The following SLC38A10 variants were observed in gnomAD, a reference collection of about 807,000 sequenced individuals.
SLC38A10 encodes the protein Sodium-coupled neutral amino acid transporter 10.
A neutral mutation model predicts 81.0 loss-of-function variants in SLC38A10; 53 were observed. That is an observed-to-expected ratio of 0.65 (90% CI 0.53 to 0.82). SLC38A10 has a LOEUF of 0.82. SLC38A10 is among the 40% of genes least tolerant of loss of function. The pLI, the probability that SLC38A10 is intolerant of heterozygous loss-of-function variation, is 0.00. For missense variants in SLC38A10, 1,471 were observed against 1,545.0 expected, an observed-to-expected ratio of 0.95 and a Z score of 0.80; for synonymous variants, 665 against 655.3, an observed-to-expected ratio of 1.01 and a Z score of -0.23.
intron 14 of SLC38A10, among the ~76,000 whole-genome samples, chr17:81,247,917 G>A (rs1377087557): frequency 1.3e-4 from 20 of 149,972 alleles, no homozygotes; most frequent in Admixed American, 4.6e-4. Flanking sequence ...AGTTTCCTCC[G>A]AGATGAGAAT....
Position 81,246,761 on chromosome 17 carries a change from T to G in SLC38A10, c.2243-88A>C, listed in dbSNP as rs115612162. 3 of 1,500,138 alleles carry G rather than the reference T, an allele frequency of 2.0e-6. No individual in the cohort carries two copies. In the African/African-American group the frequency reaches 4.2e-5, roughly 21 times the overall value. 92.9% of individuals were successfully genotyped at this position (1,500,138 alleles called of 1,614,324 possible). A position where few individuals can be genotyped will look rare whatever the true frequency, so the allele number is the denominator to read the frequency against. ...CTCAGAAGAACCAGCAACAACAGCA[T>G]TGGGAACCAAAACCAGACTCACGCT... On this transcript the variant is annotated intron_variant, in intron 15 of 15. Transcript: ENST00000374759.
In SLC38A10 at chr17:81,283,621, T is replaced by TC. The variant is rs2146948797; in HGVS notation, c.264-120_264-119insG. 1.5e-6 allele frequency: 1 copy of TC among 667,548 alleles called. No individual in the cohort carries two copies. The highest frequency in any genetic ancestry group is 3.1e-5 in the East Asian group (1 of 32,152). The allele number at this position is 667,548 out of a possible 1,614,324, so 41.4% of individuals were successfully genotyped here. ...GACAGATGTGATTTCTTTTTTCTTTTTTTTTTTTTTGAAACAGAGTCTCAC... is the reference window on the plus strand; with the variant it reads ...GACAGATGTGATTTCTTTTTTCTTTTCTTTTTTTTTTGAAACAGAGTCTCAC... On this transcript the variant is annotated intron_variant, in intron 3 of 15. Coordinates refer to ENST00000374759, the MANE Select transcript of SLC38A10 (RefSeq NM_001037984.3). The surrounding 1 kb of genome is among the most constrained non-coding windows in gnomAD (Gnocchi z 4.7).
At chr17:81,278,740 C>T (rs536306363) in intron 6 of SLC38A10, among the ~76,000 whole-genome samples, 38 of 152,316 alleles carry the variant, frequency 2.5e-4, no homozygotes, top group African/African-American at 8.7e-4. Flanking sequence ...ACCAGGGAGT[C>T]TTGGCTTGAG....
At chr17:81,284,767 T>A in intron 3 of SLC38A10, 83 bp downstream of exon 3, 1 of 1,131,606 alleles carries the variant, frequency 8.8e-7, no homozygotes, top group Non-Finnish European at 1.2e-6. Flanking sequence ...AATCTGGGGA[T>A]GAAACTGCCG....
rs753493206 is a variant in SLC38A10, at chr17:81,270,905, G to A, written c.1131+13C>T. The A allele has an allele frequency of 6.8e-6, 11 of 1,612,424 alleles. No homozygotes were observed. Among genetic ancestry groups the A allele is most frequent in the South Asian group, 5.5e-5 (5 of 91,024 alleles). ...TCAGCCCTCGTCCAGGCCACCCCAC[G>A]AGCAGCACGCACCTGGGAGGAAAGT... On this transcript the variant is annotated intron_variant, in intron 10 of 15. Transcript: ENST00000374759. This position sits in a 1 kb window ranked among gnomAD's most constrained non-coding sequence, Gnocchi z 4.0.
chr17:81,278,319 G>A (rs998855802), intron 6 of SLC38A10, among the ~76,000 whole-genome samples: 4 of 152,180 alleles, frequency 2.6e-5, no homozygotes, highest in African/African-American at 9.7e-5. Context: ...GGGAGGTCGA[G>A]GCTACAGTGA....
chr17:81,273,643 T>C (rs1414481973), intron 8 of SLC38A10, among the ~76,000 whole-genome samples: 1 of 152,064 alleles, frequency 6.6e-6, no homozygotes, highest in African/African-American at 2.4e-5. Context: ...AGGGCGGTAA[T>C]TTGTATACAG....
Position 81,284,823 on chromosome 17 carries a change from C to G in SLC38A10, c.263+27G>C, listed in dbSNP as rs1208155548. On this transcript the variant is annotated intron_variant, in intron 3 of 15. Transcript: ENST00000374759. ...AGTGTCTGGGTGCGGGGGTGGGGGG[C>G]AAGCGCAGCGGCAGGGCGGGGCTTA... 3 of 1,440,886 alleles carry G rather than the reference C, an allele frequency of 2.1e-6. No individual in the cohort carries two copies. In the South Asian group the frequency reaches 3.8e-5, roughly 18 times the overall value. 89.3% of individuals were successfully genotyped at this position (1,440,886 alleles called of 1,614,324 possible).
chr17:81,247,999 C>A (rs1489731729), intron 14 of SLC38A10, among the ~76,000 whole-genome samples: 2 of 143,536 alleles, frequency 1.4e-5, no homozygotes, highest in Admixed American at 1.4e-4. Flanking sequence ...ACTCTGTCAC[C>A]CAGGCTGGAG....
intron 14 of SLC38A10, chr17:81,250,143 G>A (rs1445120739): frequency 1.6e-5 from 21 of 1,274,750 alleles, no homozygotes; most frequent in Admixed American, 5.1e-5. Context: ...ATAGGAAACC[G>A]TGAAAAGTCT....
intron 2 of SLC38A10, chr17:81,285,210 C>T (rs1250698280): frequency 7.7e-6 from 2 of 260,494 alleles, no homozygotes; most frequent in Admixed American, 5.5e-5. Flanking sequence ...CACTGGGGGC[C>T]GGCTGGAAAC....
Position 81,245,945 on chromosome 17 carries a change from C to A in SLC38A10, c.2971G>T (p.Gly991Trp). ...GHLEMRKARG[G>W]DHVPVSHEQP... ...TCGTGGGACACAGGCACATGGTCCCCCCCGCGGGCCTTTCTCATCTCCAGG... is the reference window on the plus strand; with the variant it reads ...TCGTGGGACACAGGCACATGGTCCCACCCGCGGGCCTTTCTCATCTCCAGG... The change falls in exon 16 of 16, where the codon GGG becomes TGG. Residue 991 changes from glycine (G) to tryptophan (W), a missense_variant. By Grantham distance (184) the Gly-to-Trp change is radical. Coordinates refer to ENST00000374759, the MANE Select transcript of SLC38A10 (RefSeq NM_001037984.3). The A allele has an allele frequency of 1.9e-6, 3 of 1,606,780 alleles. No individual in the cohort carries two copies. Among genetic ancestry groups the A allele is most frequent in the Non-Finnish European group, 2.6e-6 (3 of 1,176,066 alleles).
Position 81,253,218 on chromosome 17 carries a change from C to T in SLC38A10, c.1311G>A (p.Val437=), listed in dbSNP as rs375896571. 2.4e-5 allele frequency: 38 copies of T among 1,613,550 alleles called. No homozygotes were observed. Among genetic ancestry groups the T allele is most frequent in the Non-Finnish European group, 3.2e-5 (38 of 1,180,044 alleles). Residue 437 remains valine (V), a synonymous_variant, in exon 12 of 16, where the codon GTG becomes GTA. Coordinates refer to ENST00000374759, the MANE Select transcript of SLC38A10 (RefSeq NM_001037984.3). The surrounding 1 kb of genome is among the most constrained non-coding windows in gnomAD (Gnocchi z 4.1). The part of the protein sequence containing the change: ...RLSAQDPVVA[V]AEDGREKPKL... ...TCGGCTTCTCCCGGCCATCCTCAGCCACGGCCACAACCGGATCCTGGGCTG... is the reference window on the plus strand; with the variant it reads ...TCGGCTTCTCCCGGCCATCCTCAGCTACGGCCACAACCGGATCCTGGGCTG...
At chr17:81,287,086 G>A (rs544718164) in intron 2 of SLC38A10, among the ~76,000 whole-genome samples, 3 of 152,072 alleles carry the variant, frequency 2.0e-5, no homozygotes, top group South Asian at 2.1e-4. Context: ...TGACGAAAAC[G>A]ACAAAAACCA....
chr17:81,252,161 G>A lies in SLC38A10; in HGVS notation c.1945+34C>T, dbSNP rs553069750. ...CCAGCCTCCCCAGCCCAAGAGGGGA[G>A]TGTCTTCCGACACGAGCCCAGGCTG... On this transcript the variant is annotated intron_variant, in intron 13 of 15. Coordinates refer to ENST00000374759, the MANE Select transcript of SLC38A10 (RefSeq NM_001037984.3). The A allele has an allele frequency of 6.7e-6, 10 of 1,492,036 alleles. No homozygotes were observed. The East Asian group carries it at 1.6e-4, about 24-fold the overall frequency. The allele number at this position is 1,492,036 out of a possible 1,614,324, so 92.4% of individuals were successfully genotyped here. A position where few individuals can be genotyped will look rare whatever the true frequency, so the allele number is the denominator to read the frequency against.
intron 8 of SLC38A10, among the ~76,000 whole-genome samples, chr17:81,273,276 C>T (rs534964317): frequency 1.5e-3 from 235 of 152,338 alleles, no homozygotes; most frequent in Non-Finnish European, 2.2e-3. Context: ...GGACGGATGG[C>T]CTCAGACGCC....
intron 2 of SLC38A10, among the ~76,000 whole-genome samples, chr17:81,287,032 G>A (rs577444329): frequency 3.3e-5 from 5 of 152,344 alleles, no homozygotes; most frequent in African/African-American, 1.2e-4. Flanking sequence ...AAAAGTCCAT[G>A]TCCAAGCAAG....
rs2063283660 is a variant in SLC38A10 at position 81,288,274 on chromosome 17, C to A, written c.217+1417G>T. 6.6e-6 allele frequency among the ~76,000 whole-genome samples: 1 copy of A among 152,226 alleles called. No individual in the cohort carries two copies. ...TTTGGCCCCCTGGACCCCTAAACACCATTTCCTCTCCCGCCACCTCCTCAC... is the reference window on the plus strand; with the variant it reads ...TTTGGCCCCCTGGACCCCTAAACACAATTTCCTCTCCCGCCACCTCCTCAC... On this transcript the variant is annotated intron_variant, in intron 2 of 15. Transcript: ENST00000374759. This position sits in a 1 kb window ranked among gnomAD's most constrained non-coding sequence, Gnocchi z 5.4.
At chr17:81,271,448 G>A (rs1036464270) in intron 9 of SLC38A10, among the ~76,000 whole-genome samples, 1 of 152,176 alleles carries the variant, frequency 6.6e-6, no homozygotes, top group African/African-American at 2.4e-5. Flanking sequence ...CAGACAGATC[G>A]CCTCTAGGGC....
Sources: allele counts gnomAD v4.1 joint callset (sites outside exome capture counted in the v4.1 genomes callset), GRCh38; gene constraint gnomAD v4.1.1; non-coding constraint Gnocchi (gnomAD v3.1); transcripts MANE v1.5; gene names NCBI Gene and HGNC (gene_info 2026-07-23, HGNC 2026-07-21).